Variants in FCSK observed in about 807,000 individuals in gnomAD.
FCSK encodes the protein L-fucose kinase.
In FCSK, 123 loss-of-function variants were observed where a neutral mutation model predicts 122.5. The observed-to-expected ratio is 1.00, with a 90% CI of 0.87 to 1.17. FCSK has a LOEUF of 1.17. Ranked by LOEUF, FCSK falls within the 50% of genes most tolerant of loss-of-function variation. The pLI is 0.00. For synonymous variants in FCSK, 620 were observed against 625.5 expected, an observed-to-expected ratio of 0.99 and a Z score of 0.13; for missense variants, 1,366 against 1,450.4, an observed-to-expected ratio of 0.94 and a Z score of 0.95.
At chr16:70,470,032 A>G (rs1472849867) in intron 10 of FCSK, among the ~76,000 whole-genome samples, 1 of 150,144 alleles carries the variant, frequency 6.7e-6, no homozygotes, top group Non-Finnish European at 1.5e-5. Context: ...TTTAGTAAAG[A>G]TGGGATTTCA....
intron 20 of FCSK, among the ~76,000 whole-genome samples, chr16:70,476,761 G>A (rs529643615): frequency 7.9e-5 from 12 of 152,270 alleles, no homozygotes; most frequent in African/African-American, 2.2e-4. Context: ...TCCCATAATC[G>A]GTAGTCATTA....
At chr16:70,469,615 G>A (rs1470638507) in intron 10 of FCSK, among the ~76,000 whole-genome samples, 1 of 152,080 alleles carries the variant, frequency 6.6e-6, no homozygotes, top group Non-Finnish European at 1.5e-5. Context: ...GTGAGGTGGT[G>A]CGATCTCAGC....
In FCSK at chr16:70,463,684, G is replaced by A; in HGVS notation, c.144G>A (p.Glu48=). ...IPAGTLLLAV[E]DPEKRVGSGG... is the part of the protein sequence containing the mutation. ...CTGGGACGCTGTTACTGGCCGTGGA[G>A]GACCCAGAGAAGCGTGTGGGCAGCG... Residue 48 remains glutamate, a synonymous_variant, in exon 3 of 24, where the codon GAG becomes GAA. Coordinates refer to ENST00000288078, the MANE Select transcript of FCSK (RefSeq NM_145059.3). The A allele has an allele frequency of 6.2e-7, 1 of 1,613,212 alleles. No individual in the cohort carries two copies.
Position 70,470,979 on chromosome 16 carries a change from G to C in FCSK, c.1077G>C (p.Gln359His), listed in dbSNP as rs1309261203. ...QIVHSQVEEQ[Q>H]LLAAGSSVVS... ...CCTACCTGGCTGCACAGGAGCAGCA[G>C]CTTCTGGCGGCCGGGAGCTCTGTGG... Residue 359 changes from glutamine to histidine, a missense_variant, in exon 12 of 24, where the codon CAG becomes CAC. Physicochemically the swap from Gln to His is conservative, Grantham distance 24. Coordinates refer to ENST00000288078, the MANE Select transcript of FCSK (RefSeq NM_145059.3). The C allele has an allele frequency of 1.3e-6, 2 of 1,587,624 alleles. No homozygotes were observed. The highest frequency in any genetic ancestry group is 3.5e-5 in the Admixed American group (2 of 56,714).
chr16:70,475,616 TTCA>T, intron 19 of FCSK, 29 bp from the exon 20 acceptor site: 2 of 1,574,176 alleles, frequency 1.3e-6, no homozygotes, highest in Non-Finnish European at 1.7e-6. Flanking sequence ...GTGGAGGTGT[TTCA>T]TGTCTGCTCT....
chr16:70,467,042 GGCCTGCCCC>G, intron 6 of FCSK, 88 bp downstream of exon 6: 1 of 1,262,354 alleles, frequency 7.9e-7, no homozygotes, highest in East Asian at 2.3e-5. Context: ...CCTGCCTCTG[GGCCTGCCCC>G]GCTGCCCTAT....
chr16:70,465,081 C>G (rs370758484), intron 3 of FCSK, 45 bp from the exon 4 acceptor site: 4 of 1,609,860 alleles, frequency 2.5e-6, no homozygotes, highest in Non-Finnish European at 3.4e-6. Context: ...TCCTCCAGGG[C>G]GTCTGCCTGA....
In FCSK at chr16:70,473,712, G is replaced by C. The variant is rs565055083; in HGVS notation, c.1777+359G>C. Among the ~76,000 whole-genome samples the C allele has an allele frequency of 1.3e-5, 2 of 152,310 alleles. No individual in the cohort carries two copies. The highest frequency in any genetic ancestry group is 3.9e-4 in the East Asian group (2 of 5,182). On this transcript the variant is annotated intron_variant, in intron 15 of 23. Transcript: ENST00000288078. This position sits in a 1 kb window ranked among gnomAD's most constrained non-coding sequence, Gnocchi z 4.9. ...AGGGGACATGGTCATCTCTGCATGA[G>C]GTCCCAAGCACACTTCCGGGGGCTC...
chr16:70,472,679 T>TC, intron 14 of FCSK, 74 bp downstream of exon 14: 1 of 1,236,592 alleles, frequency 8.1e-7, no homozygotes, highest in Non-Finnish European at 1.2e-6. Flanking sequence ...GGTGTGTCCC[T>TC]CCCCTGCCCC....
chr16:70,470,571 C>G (rs2151718235), intron 11 of FCSK, 145 bp downstream of exon 11: 1 of 625,528 alleles, frequency 1.6e-6, no homozygotes, highest in East Asian at 2.7e-5. Context: ...GCTGGAGGCT[C>G]AGAGAGGCTA....
intron 10 of FCSK, among the ~76,000 whole-genome samples, 181 bp downstream of exon 10, chr16:70,469,504 C>G (rs575014828): frequency 6.6e-6 from 1 of 152,262 alleles, no homozygotes; most frequent in Non-Finnish European, 1.5e-5. Context: ...CCTTTTGTCT[C>G]ATTCCTGGGC....
rs1422506295 is a variant in FCSK at position 70,479,519 on chromosome 16, C to T, written c.3154-60C>T. 4 of 1,531,184 alleles carry T rather than the reference C, an allele frequency of 2.6e-6. No individual in the cohort carries two copies. The East Asian group carries it at 9.1e-5, about 35-fold the overall frequency. 94.8% of individuals were successfully genotyped at this position (1,531,184 alleles called of 1,614,324 possible). On this transcript the variant is annotated intron_variant, in intron 23 of 23. Coordinates refer to ENST00000288078, the MANE Select transcript of FCSK (RefSeq NM_145059.3). ...TCCCCCTGGTCCTGCAGGCCCAGTC[C>T]AGCCTCCAGAAGGCCTGAGATTTGT...
chr16:70,455,252 C>T (rs181460749), intron 1 of FCSK, among the ~76,000 whole-genome samples: 1 of 152,324 alleles, frequency 6.6e-6, no homozygotes, highest in Non-Finnish European at 1.5e-5. Context: ...CAACCCTATC[C>T]CAGTCTTGGA....
chr16:70,474,585 C>T lies in FCSK; in HGVS notation c.2046C>T (p.Ile682=). 6.4e-7 allele frequency: 1 copy of T among 1,564,448 alleles called. No individual in the cohort carries two copies. Among genetic ancestry groups the T allele is most frequent in the Non-Finnish European group, 8.7e-7 (1 of 1,154,276 alleles). Residue 682 remains isoleucine, a synonymous_variant, in exon 17 of 24, where the codon ATC becomes ATT. Coordinates refer to ENST00000288078, the MANE Select transcript of FCSK (RefSeq NM_145059.3). ...RHYEGAGQIL[I]RQAVMSAQHF... Reference sequence around the variant, plus strand: ...ATGAGGGGGCTGGTCAGATCCTGATCCGCCAGGCTGTGATGTCAGCCCAGC... The same window carrying T: ...ATGAGGGGGCTGGTCAGATCCTGATTCGCCAGGCTGTGATGTCAGCCCAGC...
chr16:70,469,036 C>T (rs2048522808), intron 9 of FCSK, 68 bp downstream of exon 9: 2 of 1,606,278 alleles, frequency 1.2e-6, no homozygotes, highest in Non-Finnish European at 1.7e-6. Flanking sequence ...CTCAGGCCAG[C>T]CACTTCCCCT....
chr16:70,470,503 G>C, intron 11 of FCSK, 77 bp downstream of exon 11: 2 of 889,156 alleles, frequency 2.2e-6, no homozygotes, highest in Non-Finnish European at 3.6e-6. Context: ...GAAGAAAATA[G>C]CCGGCACTTG....
chr16:70,457,399 C>T (rs192200253), intron 1 of FCSK, among the ~76,000 whole-genome samples: 4 of 152,082 alleles, frequency 2.6e-5, no homozygotes, highest in Admixed American at 6.6e-5. Context: ...GGACTACAAG[C>T]GCGCATCACT....
chr16:70,471,330 T>C lies in FCSK; in HGVS notation c.1319T>C (p.Val440Ala), dbSNP rs764037766. Reference sequence around the variant, plus strand: ...TCCCCGGGCCACGCCTTCACCCTCGTTGGCCGTCTGGACAGCTGGGAGGTA... The same window carrying C: ...TCCCCGGGCCACGCCTTCACCCTCGCTGGCCGTCTGGACAGCTGGGAGGTA... ...HGSPGHAFTL[V>A]GRLDSWERQG... The change falls in exon 13 of 24, where the codon GTT (valine) becomes GCT (alanine). Residue 440 changes from valine (V) to alanine (A), a missense_variant. Val to Ala is a moderately conservative substitution (Grantham distance 64, BLOSUM62 0). Coordinates refer to ENST00000288078, the MANE Select transcript of FCSK (RefSeq NM_145059.3). The C allele has an allele frequency of 5.6e-6, 9 of 1,593,386 alleles. No homozygotes were observed. The highest frequency in any genetic ancestry group is 3.5e-5 in the Admixed American group (2 of 57,780).
In FCSK at chr16:70,468,933, T is replaced by C; in HGVS notation, c.748T>C (p.Tyr250His). The change falls in exon 9 of 24, where the codon TAC becomes CAC. Residue 250 changes from tyrosine to histidine, a missense_variant. Physicochemically the swap from Tyr to His is moderately conservative, Grantham distance 83. Transcript: ENST00000288078. Reference protein sequence around the residue: ...HVSPPLDACTYLGLDSGARPV... With the variant: ...HVSPPLDACTHLGLDSGARPV... The stretch of plus-strand genomic sequence containing the variant: ...GAGCCCGCCCCTGGATGCCTGCACC[T>C]ACCTAGGCTTGGACTCCGGAGCCCG... The C allele has an allele frequency of 6.2e-7, 1 of 1,613,848 alleles. No individual in the cohort carries two copies. Among genetic ancestry groups the C allele is most frequent in the Non-Finnish European group, 8.5e-7 (1 of 1,180,006 alleles).
Sources: gnomAD v4.1 joint callset for allele counts (sites outside exome capture counted in the v4.1 genomes callset) on GRCh38, gnomAD v4.1.1 for gene constraint, Gnocchi (gnomAD v3.1) non-coding constraint, MANE v1.5 for transcripts, NCBI Gene and HGNC (gene_info 2026-07-23, HGNC 2026-07-21) for gene names.